The following CUX1 variants were observed in gnomAD, a reference collection of about 807,000 sequenced individuals.
The protein encoded by CUX1 is protein CASP.
In CUX1, 31 loss-of-function variants were observed where a neutral mutation model predicts 158.8. That is an observed-to-expected ratio of 0.20 (90% confidence interval 0.15 to 0.26). CUX1 has a LOEUF of 0.26. Ranked by LOEUF, CUX1 falls within the 10% of genes least tolerant of loss-of-function variation. The probability of loss-of-function intolerance (pLI) is 1.00; values close to 1 mark genes in which losing one functional copy is unlikely to be tolerated. For synonymous variants in CUX1, 879 were observed against 862.1 expected (o/e 1.02, Z -0.34); for missense variants, 1,589 against 2,014.6 (o/e 0.79, Z 4.04).
intron 3 of CUX1, among the ~76,000 whole-genome samples, chr7:102,044,549 C>T (rs1822513174): frequency 6.6e-6 from 1 of 152,152 alleles, no homozygotes; most frequent in East Asian, 1.9e-4. Flanking sequence ...AACTTTTCCC[C>T]TCTTTCCAGC....
intron 22 of CUX1, among the ~76,000 whole-genome samples, chr7:102,236,999 C>T (rs1554533110): frequency 1.3e-5 from 2 of 152,146 alleles, no homozygotes; most frequent in Non-Finnish European, 2.9e-5. Context: ...ACAAAGGCTG[C>T]TCCCTAGAGA....
At chr7:102,118,957 A>G (rs575095849) in intron 8 of CUX1, among the ~76,000 whole-genome samples, 6 of 152,066 alleles carry the variant, frequency 3.9e-5, no homozygotes, top group South Asian at 2.1e-4. Context: ...TCACCATGTT[A>G]GCCAGGATGG....
intron 5 of CUX1, among the ~76,000 whole-genome samples, chr7:102,103,003 C>T (rs1469290104): frequency 1.3e-5 from 2 of 152,204 alleles, no homozygotes; most frequent in African/African-American, 4.8e-5. Flanking sequence ...TTCATCAAAT[C>T]CGCTTTGATA....
At chr7:101,849,718 A>G (rs1404826602) in intron 1 of CUX1, among the ~76,000 whole-genome samples, 1 of 152,100 alleles carries the variant, frequency 6.6e-6, no homozygotes, top group Non-Finnish European at 1.5e-5. Context: ...GCTGGATCGA[A>G]TGGTATTTCT....
intron 4 of CUX1, among the ~76,000 whole-genome samples, chr7:102,072,188 G>C (rs1239320142): frequency 6.6e-6 from 1 of 152,232 alleles, no homozygotes; most frequent in Non-Finnish European, 1.5e-5. Context: ...CACAGGGTGA[G>C]AGTGGGCTGA....
At chr7:101,975,076 C>G (rs1812480169) in intron 2 of CUX1, among the ~76,000 whole-genome samples, 1 of 152,052 alleles carries the variant, frequency 6.6e-6, no homozygotes, top group Non-Finnish European at 1.5e-5. Context: ...GGCAAAACCT[C>G]ATCGTCCCCA....
At chr7:101,978,684 C>T (rs1275235517) in intron 2 of CUX1, among the ~76,000 whole-genome samples, 1 of 152,242 alleles carries the variant, frequency 6.6e-6, no homozygotes, top group African/African-American at 2.4e-5. Flanking sequence ...GGCCACGGCC[C>T]CTCTAGCCCC....
chr7:102,183,824 C>T (rs1488602507), intron 11 of CUX1, among the ~76,000 whole-genome samples: 2 of 152,242 alleles, frequency 1.3e-5, no homozygotes, highest in Non-Finnish European at 1.5e-5. Flanking sequence ...ATATTGTCAC[C>T]TTGACCACTG....
chr7:101,986,058 T>G (rs568113567), intron 2 of CUX1, among the ~76,000 whole-genome samples: 1 of 152,376 alleles, frequency 6.6e-6, no homozygotes, highest in African/African-American at 2.4e-5. Flanking sequence ...CAGATCTGTC[T>G]GTCAGAAGCC....
At chr7:101,855,877 CAAAAAA>C (rs10654821) in intron 1 of CUX1, among the ~76,000 whole-genome samples, 1 of 111,008 alleles carries the variant, frequency 9.0e-6, no homozygotes, top group Non-Finnish European at 1.8e-5. Context: ...GTTTCCAGCT[CAAAAAA>C]AAAAAAAAAA....
In CUX1 at chr7:102,257,569, C is replaced by A. The variant is rs1790031639; in HGVS notation, c.*8527C>A. On this transcript the variant is annotated 3_prime_UTR_variant, in exon 24 of 24. Coordinates refer to ENST00000292535, the MANE Select transcript of CUX1 (RefSeq NM_181552.4). The stretch of plus-strand genomic sequence containing the variant: ...TTTGCATTGAATAAGAGACCTAGTT[C>A]TTTGCGTTTGTGCAATAACTCTTTG... The A allele has an allele frequency of 1.0e-6, 1 of 985,366 alleles. No homozygotes were observed. Among genetic ancestry groups the A allele is most frequent in the South Asian group, 4.7e-5 (1 of 21,290 alleles). The allele number at this position is 985,366 out of a possible 1,614,324, so 61.0% of individuals were successfully genotyped here. A position where few individuals can be genotyped will look rare whatever the true frequency, so the allele number is the denominator to read the frequency against.
intron 2 of CUX1, among the ~76,000 whole-genome samples, chr7:102,016,942 G>A (rs1009462636): frequency 6.6e-6 from 1 of 152,162 alleles, no homozygotes; most frequent in African/African-American, 2.4e-5. Flanking sequence ...AGAGTCCTGG[G>A]GTGAAATGGT....
Position 102,257,329 on chromosome 7 carries a change from A to C in CUX1, c.*8287A>C, listed in dbSNP as rs1554542380. On this transcript the variant is annotated 3_prime_UTR_variant, in exon 24 of 24. Coordinates refer to ENST00000292535, the MANE Select transcript of CUX1 (RefSeq NM_181552.4). ...GCCTTTTTTTTTTTCATTTTTCTCT[A>C]ATTAGTCTATGCATTTCTCTCTCTC... 1.0e-6 allele frequency: 1 copy of C among 980,772 alleles called. No individual in the cohort carries two copies. Among genetic ancestry groups the C allele is most frequent in the Non-Finnish European group, 1.2e-6 (1 of 828,962 alleles). 60.8% of individuals were successfully genotyped at this position (980,772 alleles called of 1,614,324 possible). A position where few individuals can be genotyped will look rare whatever the true frequency, so the allele number is the denominator to read the frequency against.
At chr7:102,217,526 G>A (rs1797355974) in intron 20 of CUX1, among the ~76,000 whole-genome samples, 1 of 152,276 alleles carries the variant, frequency 6.6e-6, no homozygotes, top group Admixed American at 6.5e-5. Flanking sequence ...TCGGGGAGAT[G>A]AAAGAGGAGA....
In CUX1 at chr7:102,248,510, C is replaced by T. The variant is rs782635916; in HGVS notation, c.3986C>T (p.Ala1329Val). Reference protein sequence around the residue: ...SDSPSARSGRAAPSSEGDSCD... With the variant: ...SDSPSARSGRVAPSSEGDSCD... ...TCACCCTCGGCCCGCAGCGGCCGGG[C>T]GGCGCCCAGCTCGGAGGGCGACAGC... The change falls in exon 24 of 24, where the codon GCG (alanine) becomes GTG (valine). Residue 1329 changes from alanine to valine, a missense_variant. This residue lies in a region of CUX1 where 344 missense variants were observed against 323.7 expected (regional missense o/e 1.06). Transcript: ENST00000292535. This position sits in a 1 kb window ranked among gnomAD's most constrained non-coding sequence, Gnocchi z 5.8. 3 of 1,550,870 alleles carry T rather than the reference C, an allele frequency of 1.9e-6. No individual in the cohort carries two copies. The highest frequency in any genetic ancestry group is 1.7e-6 in the Non-Finnish European group (2 of 1,152,152).
chr7:101,933,306 A>T (rs1189889912), intron 2 of CUX1, among the ~76,000 whole-genome samples: 1 of 151,942 alleles, frequency 6.6e-6, no homozygotes, highest in Non-Finnish European at 1.5e-5. Context: ...TATTCCAGGG[A>T]TTTGGAGGAG....
chr7:101,987,291 T>A (rs1249029071), intron 2 of CUX1, among the ~76,000 whole-genome samples: 2 of 152,198 alleles, frequency 1.3e-5, no homozygotes, highest in Non-Finnish European at 2.9e-5. Flanking sequence ...GCGCTCCTCT[T>A]GTCCTAATGT....
chr7:102,243,753 C>T (rs1422578428), intron 23 of CUX1, among the ~76,000 whole-genome samples: 1 of 151,450 alleles, frequency 6.6e-6, no homozygotes, highest in African/African-American at 2.4e-5. Flanking sequence ...CAGGGGCGGG[C>T]TTGGTGGTTC....
At chr7:101,971,668 A>G (rs923204958) in intron 2 of CUX1, among the ~76,000 whole-genome samples, 1 of 152,108 alleles carries the variant, frequency 6.6e-6, no homozygotes, top group Non-Finnish European at 1.5e-5. Context: ...GCTGTCCACA[A>G]GCTCAAAACA....
Sources: allele counts gnomAD v4.1 joint callset (sites outside exome capture counted in the v4.1 genomes callset), GRCh38; gene constraint gnomAD v4.1.1; regional missense constraint gnomAD v4.1.1; non-coding constraint Gnocchi (gnomAD v3.1); transcripts MANE v1.5; gene names NCBI Gene and HGNC (gene_info 2026-07-23, HGNC 2026-07-21).